Variants in ATG7 observed in about 807,000 individuals in gnomAD.
ATG7 encodes ubiquitin-like modifier-activating enzyme ATG7.
Under a neutral mutation model 82.4 loss-of-function variants are expected in ATG7, and 70 were observed. The observed-to-expected ratio is 0.85, with a 90% CI of 0.70 to 1.04. The LOEUF (loss-of-function observed/expected upper bound fraction) is 1.04, where lower values mean the gene tolerates loss of function less well. Ranked by LOEUF, ATG7 falls within the 50% of genes least tolerant of loss-of-function variation. The pLI, the probability that ATG7 is intolerant of heterozygous loss-of-function variation, is 0.00. For missense variants in ATG7, 792 were observed against 864.3 expected (o/e 0.92, Z 1.05); for synonymous variants, 287 against 313.0 (o/e 0.92, Z 0.88).
chr3:11,551,884 G>A (rs942935059), intron 20 of ATG7, among the ~76,000 whole-genome samples: 18 of 152,028 alleles, frequency 1.2e-4, no homozygotes, highest in African/African-American at 4.3e-4. Flanking sequence ...AAGTAGCTGG[G>A]ACTACAGGTG....
At chr3:11,546,822 G>A (rs944336196) in intron 20 of ATG7, among the ~76,000 whole-genome samples, 1 of 152,218 alleles carries the variant, frequency 6.6e-6, no homozygotes, top group South Asian at 2.1e-4. Context: ...GCAGGGCAGC[G>A]GCCAGTGGGG....
intron 20 of ATG7, among the ~76,000 whole-genome samples, chr3:11,463,759 T>A (rs2086566900): frequency 6.6e-6 from 1 of 152,186 alleles, no homozygotes; most frequent in Non-Finnish European, 1.5e-5. Flanking sequence ...CTCCAGAGCC[T>A]CATAATCCAT....
chr3:11,540,908 G>GC (rs2070759883), intron 20 of ATG7, among the ~76,000 whole-genome samples: 6 of 116,962 alleles, frequency 5.1e-5, no homozygotes, highest in Admixed American at 1.7e-4. Context: ...AGCTTTTTTT[G>GC]GGGGGGGGAG....
At chr3:11,274,851 C>T (rs1485332666) in intron 1 of ATG7, among the ~76,000 whole-genome samples, 1 of 151,860 alleles carries the variant, frequency 6.6e-6, no homozygotes, top group Non-Finnish European at 1.5e-5. Flanking sequence ...TATTGCCAGG[C>T]CCAGAAGTTT....
In ATG7 at chr3:11,419,716, A is replaced by C. The variant is rs539999540; in HGVS notation, c.1957-7088A>C. Among the ~76,000 whole-genome samples, 279 of 152,320 alleles carry C rather than the reference A, an allele frequency of 1.8e-3. 1 individual carries two copies. Among genetic ancestry groups the C allele is most frequent in the Admixed American group, 3.7e-3 (56 of 15,298 alleles). On this transcript the variant is annotated intron_variant, in intron 19 of 20. Transcript: ENST00000693202. ...GGGGCGCTGAAATGCCTAGGCAGAG[A>C]AGATAGGTTTGATATAGTAAAGAGT...
the ATG7 span, among the ~76,000 whole-genome samples, chr3:11,570,750 C>T: frequency 6.6e-6 from 1 of 152,204 alleles, no homozygotes; most frequent in African/African-American, 2.4e-5. Flanking sequence ...GAGATGTCTT[C>T]TCCCTTTTAG....
At chr3:11,385,473 A>C (rs1030280955) in intron 19 of ATG7, among the ~76,000 whole-genome samples, 1 of 152,264 alleles carries the variant, frequency 6.6e-6, no homozygotes, top group Admixed American at 6.5e-5. Flanking sequence ...ATTTAATTCA[A>C]CTGACATTTG....
chr3:11,435,913 C>T (rs7623889), intron 20 of ATG7, among the ~76,000 whole-genome samples: 14,203 of 152,024 alleles, frequency 0.093, 953 homozygotes, highest in African/African-American at 0.19. Flanking sequence ...CAAATCATAC[C>T]TGATAAGGGT....
At chr3:11,574,329 TCCTGAGATCCACTGGG>T in the ATG7 span, among the ~76,000 whole-genome samples, 1 of 152,082 alleles carries the variant, frequency 6.6e-6, no homozygotes, top group Non-Finnish European at 1.5e-5. Context: ...TAAAGAGAGG[TCCTGAGATCCACTGGG>T]CCTCGGTCAC....
chr3:11,354,633 G>A (rs2075803836), intron 14 of ATG7, among the ~76,000 whole-genome samples: 1 of 118,056 alleles, frequency 8.5e-6, no homozygotes, highest in Admixed American at 1.1e-4. Context: ...TGGTCACAGA[G>A]TGAGACTCCA....
intron 19 of ATG7, among the ~76,000 whole-genome samples, chr3:11,403,059 A>G (rs895755118): frequency 8.5e-5 from 13 of 152,244 alleles, no homozygotes; most frequent in African/African-American, 2.9e-4. Context: ...AACGTTGAAT[A>G]GTACACTAAC....
intron 9 of ATG7, among the ~76,000 whole-genome samples, chr3:11,323,592 G>C (rs911757205): frequency 1.3e-4 from 20 of 152,206 alleles, no homozygotes; most frequent in Non-Finnish European, 2.8e-4. Flanking sequence ...TTTTGGGGAA[G>C]GTTACTTGAC....
intron 6 of ATG7, 193 bp from the exon 7 acceptor site, chr3:11,308,791 A>AGGGAGTGTGGCT: frequency 1.6e-6 from 1 of 610,174 alleles, no homozygotes; most frequent in East Asian, 2.8e-5. Context: ...TAGATGTTGA[A>AGGGAGTGTGGCT]GGGAGTGTGG....
intron 20 of ATG7, among the ~76,000 whole-genome samples, chr3:11,450,811 A>T (rs2085046930): frequency 6.6e-6 from 1 of 152,196 alleles, no homozygotes. Flanking sequence ...GTATTTTCTG[A>T]TACCACTCCC....
chr3:11,564,740 C>T, the ATG7 span: 62 of 1,526,004 alleles, frequency 4.1e-5, no homozygotes, highest in South Asian at 6.7e-4. Context: ...GCTCTCCATC[C>T]AGCCCAGTCC....
intron 20 of ATG7, among the ~76,000 whole-genome samples, chr3:11,486,977 T>C (rs2089749397): frequency 6.6e-6 from 1 of 151,852 alleles, no homozygotes; most frequent in South Asian, 2.1e-4. Flanking sequence ...CAGAGGACCC[T>C]GCGGCCTTCC....
chr3:11,337,617 A>G (rs1952751535), intron 11 of ATG7, among the ~76,000 whole-genome samples: 2 of 151,974 alleles, frequency 1.3e-5, no homozygotes, highest in East Asian at 1.9e-4. Context: ...AAGGGCATCT[A>G]ATTTTCTTAG....
At chr3:11,523,164 T>C (rs542810345) in intron 20 of ATG7, among the ~76,000 whole-genome samples, 1 of 152,358 alleles carries the variant, frequency 6.6e-6, no homozygotes, top group East Asian at 1.9e-4. Context: ...GTTGTAAGGA[T>C]TAGTCAGAAG....
chr3:11,566,787 C>T, the ATG7 span, among the ~76,000 whole-genome samples: 10 of 152,166 alleles, frequency 6.6e-5, no homozygotes, highest in African/African-American at 1.9e-4. Context: ...ATGATCTCTT[C>T]GTCTACGCAC....
Sources: gnomAD v4.1 joint callset for allele counts (sites outside exome capture counted in the v4.1 genomes callset) on GRCh38, gnomAD v4.1.1 for gene constraint, MANE v1.5 for transcripts, NCBI Gene and HGNC (gene_info 2026-07-23, HGNC 2026-07-21) for gene names.